SUCLG2: variants seen among roughly 807,000 people sequenced by gnomAD.
The protein encoded by SUCLG2 is succinate-CoA ligase GDP-forming subunit beta.
Under a neutral mutation model 47.9 loss-of-function variants are expected in SUCLG2, and 42 were observed. The observed-to-expected ratio is 0.88, with a 90% CI of 0.69 to 1.14. The LOEUF is 1.14. Ranked by LOEUF, SUCLG2 falls within the 50% of genes most tolerant of loss-of-function variation. The pLI, the probability that SUCLG2 is intolerant of heterozygous loss-of-function variation, is 0.00. For synonymous variants in SUCLG2, 195 were observed against 197.3 expected (o/e 0.99, Z 0.10); for missense variants, 571 against 525.9 (o/e 1.09, Z -0.84).
At chr3:67,394,925 C>T (rs183047491) in intron 10 of SUCLG2, among the ~76,000 whole-genome samples, 16 of 152,194 alleles carry the variant, frequency 1.1e-4, no homozygotes, top group Non-Finnish European at 1.5e-5. Flanking sequence ...CCAAACTAAA[C>T]TGCATAAGTG....
chr3:67,461,038 C>G (rs1282081453), intron 9 of SUCLG2, among the ~76,000 whole-genome samples: 2 of 152,264 alleles, frequency 1.3e-5, no homozygotes, highest in East Asian at 3.9e-4. Context: ...TACTCTCTGA[C>G]CCAAGACATT....
intron 9 of SUCLG2, among the ~76,000 whole-genome samples, chr3:67,403,978 T>C (rs3902901): frequency 0.72 from 109,062 of 151,760 alleles, 39,550 homozygotes; most frequent in Admixed American, 0.81. Context: ...CTCCGCCTCC[T>C]GGGTTCAAGT....
intron 4 of SUCLG2, among the ~76,000 whole-genome samples, chr3:67,523,747 G>A (rs939899918): frequency 1.3e-5 from 2 of 152,142 alleles, no homozygotes; most frequent in Admixed American, 6.5e-5. Flanking sequence ...TGAGGAGTGT[G>A]TTTGGTATAT....
At chr3:67,620,897 T>A (rs1458746550) in intron 1 of SUCLG2, among the ~76,000 whole-genome samples, 1 of 152,046 alleles carries the variant, frequency 6.6e-6, no homozygotes, top group Non-Finnish European at 1.5e-5. Context: ...AAATACAGAG[T>A]TTAGACTTCA....
intron 9 of SUCLG2, among the ~76,000 whole-genome samples, chr3:67,454,773 T>C (rs937153607): frequency 1.3e-5 from 2 of 152,020 alleles, no homozygotes; most frequent in Admixed American, 6.6e-5. Context: ...CCATCCTGGC[T>C]AACAAAGTGA....
chr3:67,539,040 T>A (rs1195960276), intron 2 of SUCLG2, among the ~76,000 whole-genome samples: 2 of 152,234 alleles, frequency 1.3e-5, no homozygotes, highest in Non-Finnish European at 2.9e-5. Context: ...CCTATTTGAA[T>A]ACCTTTTATT....
At chr3:67,513,000 A>C (rs1705839719) in intron 6 of SUCLG2, among the ~76,000 whole-genome samples, 1 of 150,834 alleles carries the variant, frequency 6.6e-6, no homozygotes, top group African/African-American at 2.5e-5. Flanking sequence ...ATATATAGAT[A>C]CCAGATATAT....
chr3:67,539,637 C>G (rs141689109), intron 2 of SUCLG2, among the ~76,000 whole-genome samples: 1,919 of 152,264 alleles, frequency 0.013, 41 homozygotes, highest in African/African-American at 0.044. Flanking sequence ...AGGAATGGTA[C>G]CAGCTCCTCT....
At chr3:67,389,430 C>T (rs1702331380) in intron 10 of SUCLG2, among the ~76,000 whole-genome samples, 1 of 152,102 alleles carries the variant, frequency 6.6e-6, no homozygotes, top group South Asian at 2.1e-4. Flanking sequence ...CCTTCATAAA[C>T]CACATGCAGA....
At chr3:67,386,245 C>A (rs556062114) in intron 10 of SUCLG2, among the ~76,000 whole-genome samples, 11 of 148,418 alleles carry the variant, frequency 7.4e-5, no homozygotes, top group Admixed American at 1.4e-4. Flanking sequence ...CCCGCCACCA[C>A]GCCCGGCTAA....
chr3:67,402,499 G>C (rs1163176038), intron 9 of SUCLG2, among the ~76,000 whole-genome samples: 2 of 152,232 alleles, frequency 1.3e-5, no homozygotes, highest in Non-Finnish European at 2.9e-5. Context: ...TTCACAGTAG[G>C]ACAACTGGTA....
chr3:67,495,862 A>G lies in SUCLG2; in HGVS notation c.998T>C (p.Leu333Pro). The change falls in exon 9 of 11, where the codon CTT (leucine) becomes CCT (proline). Residue 333 changes from leucine (L) to proline (P), a missense_variant. Physicochemically the swap from Leu to Pro is moderately conservative, Grantham distance 98. Coordinates refer to ENST00000307227, the MANE Select transcript of SUCLG2 (RefSeq NM_003848.4). ...TTGAGCTTCCTTTACACCACCTCCAAGATCCAAGAAGTTGGCTGGCTTCCC... is the reference window on the plus strand; with the variant it reads ...TTGAGCTTCCTTTACACCACCTCCAGGATCCAAGAAGTTGGCTGGCTTCCC... ...NGGKPANFLD[L>P]GGGVKEAQVY... 1 of 1,614,114 alleles carries G rather than the reference A, an allele frequency of 6.2e-7. No individual in the cohort carries two copies. The highest frequency in any genetic ancestry group is 8.5e-7 in the Non-Finnish European group (1 of 1,180,006).
chr3:67,363,788 TC>T (rs1250778380), intron 10 of SUCLG2, among the ~76,000 whole-genome samples: 2 of 98,486 alleles, frequency 2.0e-5, no homozygotes, highest in Non-Finnish European at 4.1e-5. Flanking sequence ...TTCCTCCCCC[TC>T]CCCCCAACCT....
At chr3:67,582,547 T>C (rs1293983893) in intron 2 of SUCLG2, among the ~76,000 whole-genome samples, 1 of 152,218 alleles carries the variant, frequency 6.6e-6, no homozygotes, top group Non-Finnish European at 1.5e-5. Flanking sequence ...TTCCATGTCT[T>C]TGCTATAGTG....
At chr3:67,392,337 A>G (rs999565209) in intron 10 of SUCLG2, among the ~76,000 whole-genome samples, 1 of 152,156 alleles carries the variant, frequency 6.6e-6, no homozygotes, top group African/African-American at 2.4e-5. Flanking sequence ...CCAGTAAGAC[A>G]TTGAGGGAAT....
intron 2 of SUCLG2, among the ~76,000 whole-genome samples, chr3:67,568,356 A>G: frequency 6.6e-6 from 1 of 152,212 alleles, no homozygotes. Context: ...GGATAAAAAT[A>G]AATAAAAGAC....
intron 9 of SUCLG2, among the ~76,000 whole-genome samples, chr3:67,494,444 G>C (rs961949599): frequency 3.9e-5 from 6 of 152,036 alleles, no homozygotes; most frequent in Non-Finnish European, 8.8e-5. Context: ...AGACCAGCCT[G>C]AGCAACACAG....
chr3:67,495,425 C>T (rs747052530), intron 9 of SUCLG2, among the ~76,000 whole-genome samples: 2 of 151,972 alleles, frequency 1.3e-5, no homozygotes, highest in Admixed American at 6.6e-5. Flanking sequence ...GAGGCCTAGG[C>T]GGGCAGACCA....
chr3:67,474,700 A>C (rs1203862265), intron 9 of SUCLG2, among the ~76,000 whole-genome samples: 1 of 152,178 alleles, frequency 6.6e-6, no homozygotes, highest in Non-Finnish European at 1.5e-5. Context: ...ACCTTCCTTT[A>C]ATTTATCTTT....
Sources: gnomAD v4.1 joint callset for allele counts (sites outside exome capture counted in the v4.1 genomes callset) on GRCh38, gnomAD v4.1.1 for gene constraint, MANE v1.5 for transcripts, NCBI Gene and HGNC (gene_info 2026-07-23, HGNC 2026-07-21) for gene names.